Variants in MLLT1 observed in about 807,000 individuals in gnomAD.
MLLT1 encodes the protein protein ENL.
Under a neutral mutation model 55.1 loss-of-function variants are expected in MLLT1, and 11 were observed. The observed-to-expected ratio is 0.20, with a 90% CI of 0.13 to 0.33. MLLT1 has a LOEUF of 0.33. MLLT1 is among the 10% of genes least tolerant of loss of function. The pLI is 1.00. For synonymous variants in MLLT1, 323 were observed against 320.1 expected (o/e 1.01, Z -0.10); for missense variants, 536 against 760.6 (o/e 0.70, Z 3.47).
At chr19:6,247,058 G>A (rs1600199592) in intron 3 of MLLT1, among the ~76,000 whole-genome samples, 1 of 152,200 alleles carries the variant, frequency 6.6e-6, no homozygotes, top group East Asian at 1.9e-4. Flanking sequence ...CCCCTTCAGA[G>A]ACAGCTACAA....
rs2090902827 is a variant in MLLT1, at chr19:6,222,012, G to A, written c.1110+109C>T. On this transcript the variant is annotated intron_variant, in intron 6 of 11. Transcript: ENST00000252674. The surrounding 1 kb of genome is among the most constrained non-coding windows in gnomAD (Gnocchi z 4.1). ...GAAGCCAGTGGGAGGAGCAGCTGGT[G>A]AGACCTGAGGTCCTGGCTCAGATCC... The A allele has an allele frequency of 5.6e-6, 5 of 893,764 alleles. No individual in the cohort carries two copies. Among genetic ancestry groups the A allele is most frequent in the African/African-American group, 1.7e-5 (1 of 57,480 alleles). 55.4% of individuals were successfully genotyped at this position (893,764 alleles called of 1,614,324 possible).
rs2091313544 is a variant in MLLT1 at position 6,262,435 on chromosome 19, G to A, written c.194-125C>T. On this transcript the variant is annotated intron_variant, in intron 2 of 11. Coordinates refer to ENST00000252674, the MANE Select transcript of MLLT1 (RefSeq NM_005934.4). This position sits in a 1 kb window ranked among gnomAD's most constrained non-coding sequence, Gnocchi z 4.4. ...CAGGGGCTTGGCTGGCCTCTCGGGG[G>A]TGGCTTTTCAGGAGGTTAAGCCCCC... 1.4e-6 allele frequency: 1 copy of A among 733,156 alleles called. No individual in the cohort carries two copies. Among genetic ancestry groups the A allele is most frequent in the South Asian group, 1.7e-5 (1 of 57,664 alleles). 45.4% of individuals were successfully genotyped at this position (733,156 alleles called of 1,614,324 possible).
intron 3 of MLLT1, among the ~76,000 whole-genome samples, chr19:6,245,296 T>C (rs1414951477): frequency 1.2e-4 from 18 of 150,794 alleles, no homozygotes; most frequent in Admixed American, 1.2e-3. Flanking sequence ...TTCACCATGT[T>C]GCCCAGGCTG....
At chr19:6,252,160 AAGTC>A (rs2091221319) in intron 3 of MLLT1, among the ~76,000 whole-genome samples, 3 of 152,130 alleles carry the variant, frequency 2.0e-5, no homozygotes, top group African/African-American at 7.2e-5. Context: ...AAGGGACAAA[AAGTC>A]AGGGAGGGCA....
At position 6,226,705 on chromosome 19, in the gene MLLT1, C is replaced by T. The variant is rs2090960129; in HGVS notation, c.546+272G>A. ...GCTTCAGGCCGAGCAGTCCTGGGGCCCTGCCATCACTTGGCAGAACGGGAG... is the reference window on the plus strand; with the variant it reads ...GCTTCAGGCCGAGCAGTCCTGGGGCTCTGCCATCACTTGGCAGAACGGGAG... On this transcript the variant is annotated intron_variant, in intron 5 of 11. Coordinates refer to ENST00000252674, the MANE Select transcript of MLLT1 (RefSeq NM_005934.4). The surrounding 1 kb of genome is among the most constrained non-coding windows in gnomAD (Gnocchi z 6.3). 6.6e-6 allele frequency among the ~76,000 whole-genome samples: 1 copy of T among 152,148 alleles called. No homozygotes were observed. The highest frequency in any genetic ancestry group is 6.5e-5 in the Admixed American group (1 of 15,282).
chr19:6,230,456 C>G lies in MLLT1; in HGVS notation c.420+114G>C. ...GCTCTGCTGGGTGCTGCCGTGTGACCTGCGCCTTGGGTCTCGGCCCCCAGC... is the reference window on the plus strand; with the variant it reads ...GCTCTGCTGGGTGCTGCCGTGTGACGTGCGCCTTGGGTCTCGGCCCCCAGC... On this transcript the variant is annotated intron_variant, in intron 4 of 11. Coordinates refer to ENST00000252674, the MANE Select transcript of MLLT1 (RefSeq NM_005934.4). This position sits in a 1 kb window ranked among gnomAD's most constrained non-coding sequence, Gnocchi z 9.0. 7.6e-7 allele frequency: 1 copy of G among 1,320,854 alleles called. No homozygotes were observed. Among genetic ancestry groups the G allele is most frequent in the Non-Finnish European group, 1.0e-6 (1 of 968,138 alleles). The allele number at this position is 1,320,854 out of a possible 1,614,324, so 81.8% of individuals were successfully genotyped here.
At position 6,270,772 on chromosome 19, in the gene MLLT1, G is replaced by A; in HGVS notation, c.13-13C>T. 1 of 1,590,000 alleles carries A rather than the reference G, an allele frequency of 6.3e-7. No individual in the cohort carries two copies. The stretch of plus-strand genomic sequence containing the variant: ...CCTGGACGGTGCACTGGAGGAGAGA[G>A]AGGTGGGGAGATGAAGTCAGCACAC... On this transcript the variant is annotated splice_polypyrimidine_tract_variant and intron_variant, in intron 1 of 11. Coordinates refer to ENST00000252674, the MANE Select transcript of MLLT1 (RefSeq NM_005934.4). This position sits in a 1 kb window ranked among gnomAD's most constrained non-coding sequence, Gnocchi z 7.1.
In MLLT1 at chr19:6,222,049, G is replaced by A. The variant is rs964022546; in HGVS notation, c.1110+72C>T. 11 of 1,299,822 alleles carry A rather than the reference G, an allele frequency of 8.5e-6. No individual in the cohort carries two copies. Among genetic ancestry groups the A allele is most frequent in the South Asian group, 3.8e-5 (2 of 52,360 alleles). 80.5% of individuals were successfully genotyped at this position (1,299,822 alleles called of 1,614,324 possible). A position where few individuals can be genotyped will look rare whatever the true frequency, so the allele number is the denominator to read the frequency against. ...CCTGGCTCAGATCCCACCTCCTTCC[G>A]CTGTTCCAGAAGGGAGGCGGGTCCC... On this transcript the variant is annotated intron_variant, in intron 6 of 11. Coordinates refer to ENST00000252674, the MANE Select transcript of MLLT1 (RefSeq NM_005934.4). This position sits in a 1 kb window ranked among gnomAD's most constrained non-coding sequence, Gnocchi z 4.1.
rs552156946 is a variant in MLLT1 at position 6,242,734 on chromosome 19, C to A, written c.277-12021G>T. ...TTTTACCGCCCCAAACAGCCACACTCCCCTTTCCTGGTGCTGTTGGTACCG... is the reference window on the plus strand; with the variant it reads ...TTTTACCGCCCCAAACAGCCACACTACCCTTTCCTGGTGCTGTTGGTACCG... On this transcript the variant is annotated intron_variant, in intron 3 of 11. Transcript: ENST00000252674. Among the ~76,000 whole-genome samples, 4 of 152,312 alleles carry A rather than the reference C, an allele frequency of 2.6e-5. No individual in the cohort carries two copies. The South Asian group carries it at 8.3e-4, about 32-fold the overall frequency.
At chr19:6,278,669 G>T (rs2091440498) in intron 1 of MLLT1, among the ~76,000 whole-genome samples, 1 of 152,134 alleles carries the variant, frequency 6.6e-6, no homozygotes, top group Non-Finnish European at 1.5e-5. Flanking sequence ...GGGGTCAAGT[G>T]TGGGGAAGCC....
chr19:6,265,050 AAAAAAACAAAAAAAC>A (rs1568296301), intron 2 of MLLT1, among the ~76,000 whole-genome samples: 1,493 of 13,640 alleles, frequency 0.11, 90 homozygotes, highest in African/African-American at 0.17. Flanking sequence ...AAAAAAAAAC[AAAAAAACAAAAAAAC>A]AAAAAAAAAC....
chr19:6,217,251 C>T (rs2090854195), intron 7 of MLLT1, among the ~76,000 whole-genome samples: 1 of 152,114 alleles, frequency 6.6e-6, no homozygotes, highest in Non-Finnish European at 1.5e-5. Context: ...ACCCCGCACA[C>T]TCCTCTCCCC....
intron 3 of MLLT1, among the ~76,000 whole-genome samples, chr19:6,243,495 A>G (rs1411280346): frequency 6.6e-6 from 1 of 152,198 alleles, no homozygotes; most frequent in Non-Finnish European, 1.5e-5. Flanking sequence ...TGGGACAGGC[A>G]CCTGGCTGGG....
At chr19:6,272,497 GC>G (rs1180938437) in intron 1 of MLLT1, among the ~76,000 whole-genome samples, 1 of 152,154 alleles carries the variant, frequency 6.6e-6, no homozygotes, top group Non-Finnish European at 1.5e-5. Context: ...CCTGTCCAGG[GC>G]CCTTTCTGGT....
In MLLT1 at chr19:6,256,242, T is replaced by TAAATAAAC. The variant is rs2144928410; in HGVS notation, c.276+5985_276+5986insGTTTATTT. On this transcript the variant is annotated intron_variant, in intron 3 of 11. Coordinates refer to ENST00000252674, the MANE Select transcript of MLLT1 (RefSeq NM_005934.4). The surrounding 1 kb of genome is among the most constrained non-coding windows in gnomAD (Gnocchi z 4.1). ...AAAGATAAATAAATAAATAAATAAATAAATAAATAAATAAAAAGACCAGCC... is the reference window on the plus strand; with the variant it reads ...AAAGATAAATAAATAAATAAATAAATAAATAAACAAATAAATAAATAAAAAGACCAGCC... Among the ~76,000 whole-genome samples, 1 of 148,940 alleles carries TAAATAAAC rather than the reference T, an allele frequency of 6.7e-6. No individual in the cohort carries two copies. The highest frequency in any genetic ancestry group is 2.5e-5 in the African/African-American group (1 of 40,214).
At chr19:6,267,863 C>T (rs1212255371) in intron 2 of MLLT1, among the ~76,000 whole-genome samples, 1 of 152,166 alleles carries the variant, frequency 6.6e-6, no homozygotes, top group Non-Finnish European at 1.5e-5. Flanking sequence ...GGTGGCCTTG[C>T]CCTCCTCAGT....
chr19:6,226,939 C>G lies in MLLT1; in HGVS notation c.546+38G>C. The G allele has an allele frequency of 6.6e-7, 1 of 1,517,368 alleles. No individual in the cohort carries two copies. The highest frequency in any genetic ancestry group is 2.3e-5 in the Admixed American group (1 of 44,264). The allele number at this position is 1,517,368 out of a possible 1,614,324, so 94.0% of individuals were successfully genotyped here. ...GGCCAGACCCACCACAGCTGGGCCC[C>G]GGCGCTCCCACGCGACTGGGCCTTC... On this transcript the variant is annotated intron_variant, in intron 5 of 11. Coordinates refer to ENST00000252674, the MANE Select transcript of MLLT1 (RefSeq NM_005934.4). This position sits in a 1 kb window ranked among gnomAD's most constrained non-coding sequence, Gnocchi z 6.3.
Position 6,231,931 on chromosome 19 carries a change from G to C in MLLT1, c.277-1218C>G, listed in dbSNP as rs1050297794. Among the ~76,000 whole-genome samples, 4 of 147,734 alleles carry C rather than the reference G, an allele frequency of 2.7e-5. No homozygotes were observed. The highest frequency in any genetic ancestry group is 6.0e-5 in the Non-Finnish European group (4 of 67,004). ...ACGAATGTCACACGGAAGAAGGGAG[G>C]TTTTCATGGAAACAACGTGCATGGG... On this transcript the variant is annotated intron_variant, in intron 3 of 11. Coordinates refer to ENST00000252674, the MANE Select transcript of MLLT1 (RefSeq NM_005934.4). The surrounding 1 kb of genome is among the most constrained non-coding windows in gnomAD (Gnocchi z 5.1).
chr19:6,251,236 T>G (rs962492546), intron 3 of MLLT1, among the ~76,000 whole-genome samples: 2 of 152,206 alleles, frequency 1.3e-5, no homozygotes, highest in African/African-American at 2.4e-5. Flanking sequence ...TTTAAAATCG[T>G]TAATTTCATC....
Sources: gnomAD v4.1 joint callset for allele counts (sites outside exome capture counted in the v4.1 genomes callset) on GRCh38, gnomAD v4.1.1 for gene constraint, Gnocchi (gnomAD v3.1) non-coding constraint, MANE v1.5 for transcripts, NCBI Gene and HGNC (gene_info 2026-07-23, HGNC 2026-07-21) for gene names.